WDR64: variants seen among roughly 807,000 people sequenced by gnomAD.
WDR64 encodes WD repeat domain 64, also known as WD repeat-containing protein 64.
In WDR64, 112 loss-of-function variants were observed where a neutral mutation model predicts 139.3. That is an observed-to-expected ratio of 0.80 (90% confidence interval 0.69 to 0.94). The LOEUF (loss-of-function observed/expected upper bound fraction) is 0.94, where lower values mean the gene tolerates loss of function less well. WDR64 is among the 40% of genes least tolerant of loss of function. The probability of loss-of-function intolerance (pLI) is 0.00; values close to 1 mark genes in which losing one functional copy is unlikely to be tolerated. For missense variants in WDR64, 1,206 were observed against 1,293.1 expected, an observed-to-expected ratio of 0.93 and a Z score of 1.03; for synonymous variants, 444 against 437.7, an observed-to-expected ratio of 1.01 and a Z score of -0.18.
chr1:241,784,948 T>G, intron 23 of WDR64, among the ~76,000 whole-genome samples: 1 of 35,706 alleles, frequency 2.8e-5, no homozygotes, highest in South Asian at 1.4e-3. Flanking sequence ...AGTGAGACTC[T>G]GTCTGAAAAA....
chr1:241,679,083 G>C (rs904247883), intron 5 of WDR64, among the ~76,000 whole-genome samples: 1 of 152,102 alleles, frequency 6.6e-6, no homozygotes, highest in African/African-American at 2.4e-5. Flanking sequence ...CATGGACCAG[G>C]TAATTACTAA....
At chr1:241,770,810 G>A (rs1658400441) in intron 18 of WDR64, 120 bp downstream of exon 18, 1 of 826,194 alleles carries the variant, frequency 1.2e-6, no homozygotes, top group Non-Finnish European at 1.8e-6. Flanking sequence ...AGAATTCTGT[G>A]TGTGCATGCT....
At chr1:241,764,860 G>A (rs1009338749) in intron 15 of WDR64, among the ~76,000 whole-genome samples, 23 of 152,126 alleles carry the variant, frequency 1.5e-4, no homozygotes, top group Non-Finnish European at 2.9e-4. Context: ...TAACTTGAAT[G>A]ATGAACTGAA....
chr1:241,727,953 G>C (rs1668909517), intron 10 of WDR64, among the ~76,000 whole-genome samples: 1 of 152,088 alleles, frequency 6.6e-6, no homozygotes. Flanking sequence ...CTCTGAGGAG[G>C]TGACATAAAA....
chr1:241,790,749 C>CAAAGG, intron 25 of WDR64, 53 bp downstream of exon 25: 1 of 1,366,622 alleles, frequency 7.3e-7, no homozygotes, highest in Non-Finnish European at 1.0e-6. Context: ...AAAACCTTTG[C>CAAAGG]TTTTGTTTTT....
chr1:241,705,249 G>A (rs1444592207), intron 8 of WDR64, among the ~76,000 whole-genome samples: 1 of 152,032 alleles, frequency 6.6e-6, no homozygotes, highest in Admixed American at 6.6e-5. Flanking sequence ...TCTTTTTAGA[G>A]ACAAGGTCTT....
chr1:241,800,434 C>CA (rs1659488426), intron 27 of WDR64, among the ~76,000 whole-genome samples: 4 of 152,116 alleles, frequency 2.6e-5, no homozygotes, highest in Non-Finnish European at 5.9e-5. Flanking sequence ...AATTTTTAAA[C>CA]CAAATTAGTT....
rs945395254 is a variant in WDR64, at chr1:241,655,692, C to CT, written c.145+3070dup. On this transcript the variant is annotated intron_variant, in intron 1 of 27. Transcript: ENST00000437684. Reference sequence around the variant, plus strand: ...CATGTCATTCCCCAATATGGAGTGCCTTTTTTTCTTTTCTTTTTTTTTTTT... The same window carrying CT: ...CATGTCATTCCCCAATATGGAGTGCCTTTTTTTTCTTTTCTTTTTTTTTTTT... 4.7e-4 allele frequency among the ~76,000 whole-genome samples: 23 copies of CT among 48,672 alleles called. 1 individual carries two copies. Among genetic ancestry groups the CT allele is most frequent in the Non-Finnish European group, 2.1e-4 (5 of 23,822 alleles). The allele number at this position is 48,672 out of a possible 152,430, so 31.9% of individuals were successfully genotyped here.
intron 8 of WDR64, among the ~76,000 whole-genome samples, chr1:241,689,517 G>A (rs999540038): frequency 1.3e-5 from 2 of 152,180 alleles, no homozygotes; most frequent in Non-Finnish European, 2.9e-5. Context: ...TAATGATAAA[G>A]GGGTCAATTC....
chr1:241,749,165 C>T (rs2148260983), intron 13 of WDR64, among the ~76,000 whole-genome samples: 1 of 152,246 alleles, frequency 6.6e-6, no homozygotes, highest in Middle Eastern at 3.4e-3. Context: ...TGATCTTTCA[C>T]TGTGAATAAT....
chr1:241,727,075 CA>C (rs1364455285), intron 10 of WDR64, among the ~76,000 whole-genome samples: 1 of 152,018 alleles, frequency 6.6e-6, no homozygotes, highest in East Asian at 1.9e-4. Flanking sequence ...TTAGTAGAGA[CA>C]GGGTTTCGTC....
intron 13 of WDR64, among the ~76,000 whole-genome samples, chr1:241,746,495 C>T (rs1337698985): frequency 1.3e-5 from 2 of 150,960 alleles, no homozygotes; most frequent in Non-Finnish European, 2.9e-5. Flanking sequence ...TGAGCTGCTA[C>T]AACGGAATAC....
chr1:241,658,348 A>T (rs1323618767), intron 1 of WDR64, among the ~76,000 whole-genome samples: 2 of 151,418 alleles, frequency 1.3e-5, no homozygotes, highest in African/African-American at 4.9e-5. Context: ...ACCAGTTAAG[A>T]ATTGCTCACC....
chr1:241,665,573 C>T (rs952065758), intron 2 of WDR64, among the ~76,000 whole-genome samples: 3 of 152,072 alleles, frequency 2.0e-5, no homozygotes, highest in African/African-American at 7.2e-5. Flanking sequence ...CAAAGACACT[C>T]GGAGAATTTG....
intron 10 of WDR64, among the ~76,000 whole-genome samples, chr1:241,737,237 T>C (rs1669364751): frequency 6.6e-6 from 1 of 152,242 alleles, no homozygotes; most frequent in Non-Finnish European, 1.5e-5. Flanking sequence ...AATACTAGCC[T>C]ACAGAGGGTT....
At chr1:241,654,769 A>G (rs1050203495) in intron 1 of WDR64, among the ~76,000 whole-genome samples, 4 of 152,218 alleles carry the variant, frequency 2.6e-5, no homozygotes, top group African/African-American at 9.6e-5. Context: ...GGGGCATATT[A>G]ATATTTGCTT....
intron 25 of WDR64, among the ~76,000 whole-genome samples, chr1:241,793,658 G>C (rs1024735553): frequency 6.6e-6 from 1 of 152,206 alleles, no homozygotes; most frequent in South Asian, 2.1e-4. Context: ...GCTAAGGAGG[G>C]AAGCCACAGG....
chr1:241,691,249 T>C (rs79644383), intron 8 of WDR64, among the ~76,000 whole-genome samples: 5,970 of 152,030 alleles, frequency 0.039, 364 homozygotes, highest in African/African-American at 0.14. Context: ...AAGACAAAAA[T>C]AGAAACAAAG....
rs576606163 is a variant in WDR64, at chr1:241,681,935, A to G, written c.625-1552A>G. The stretch of plus-strand genomic sequence containing the variant: ...GCCATTTGTATATCTTCTTTTGAGA[A>G]CTGTCTACTCATGTCCTTAGCCCAC... On this transcript the variant is annotated intron_variant, in intron 6 of 27. Transcript: ENST00000437684. Among the ~76,000 whole-genome samples the G allele has an allele frequency of 3.3e-5, 5 of 152,132 alleles. No individual in the cohort carries two copies. In the South Asian group the frequency reaches 1.0e-3, roughly 32 times the overall value.
Sources: allele counts gnomAD v4.1 joint callset (sites outside exome capture counted in the v4.1 genomes callset), GRCh38; gene constraint gnomAD v4.1.1; transcripts MANE v1.5; gene names NCBI Gene and HGNC (gene_info 2026-07-23, HGNC 2026-07-21).